The following PACRG variants were observed in gnomAD, a reference collection of about 807,000 sequenced individuals.
PACRG encodes the protein parkin coregulated.
In PACRG, 29 loss-of-function variants were observed where a neutral mutation model predicts 29.7. The ratio of observed to expected loss-of-function variants is 0.98; its 90% CI spans 0.73 to 1.33. The LOEUF is 1.33. PACRG is among the 40% of genes most tolerant of loss of function. The pLI, the probability that PACRG is intolerant of heterozygous loss-of-function variation, is 0.00. For missense variants in PACRG, 279 were observed against 316.2 expected, an observed-to-expected ratio of 0.88 and a Z score of 0.89; for synonymous variants, 116 against 118.7, an observed-to-expected ratio of 0.98 and a Z score of 0.15.
intron 2 of PACRG, among the ~76,000 whole-genome samples, chr6:162,975,269 T>A (rs1005059763): frequency 3.9e-5 from 6 of 152,204 alleles, no homozygotes; most frequent in Non-Finnish European, 5.9e-5. Flanking sequence ...AGCTTAATTA[T>A]CATAGACAGT....
chr6:163,221,788 T>C (rs1444227153), intron 4 of PACRG, among the ~76,000 whole-genome samples: 1 of 152,172 alleles, frequency 6.6e-6, no homozygotes. Flanking sequence ...TCGCTCACTG[T>C]TGACAGCAAG....
At chr6:162,773,525 T>TTTTTTTTTTTTTTTTTG (rs1783395245) in intron 1 of PACRG, among the ~76,000 whole-genome samples, 1 of 99,524 alleles carries the variant, frequency 1.0e-5, no homozygotes, top group African/African-American at 4.3e-5. Context: ...TTTTTTTTTT[T>TTTTTTTTTTTTTTTTTG]GAGACGGAGT....
chr6:163,175,963 G>A (rs1779337800), intron 4 of PACRG, among the ~76,000 whole-genome samples: 1 of 152,134 alleles, frequency 6.6e-6, no homozygotes, highest in Admixed American at 6.5e-5. Context: ...CAGTTCTCTG[G>A]TGCATAGCCC....
intron 2 of PACRG, among the ~76,000 whole-genome samples, chr6:162,835,115 T>C (rs529638581): frequency 1.3e-5 from 2 of 152,234 alleles, no homozygotes; most frequent in South Asian, 4.1e-4. Flanking sequence ...TGGAATAAAT[T>C]ATACAAGCTA....
chr6:163,176,359 G>A (rs1027015754), intron 4 of PACRG, among the ~76,000 whole-genome samples: 9 of 152,150 alleles, frequency 5.9e-5, no homozygotes, highest in Non-Finnish European at 7.3e-5. Context: ...TTTCATAAGT[G>A]ACACTTTTCC....
chr6:163,112,086 A>G, intron 4 of PACRG: 1 of 943,952 alleles, frequency 1.1e-6, no homozygotes, highest in Non-Finnish European at 1.3e-6. Context: ...GCATTGAGGG[A>G]AAGGATTCTG....
chr6:163,256,957 C>T (rs1783135620), intron 4 of PACRG, among the ~76,000 whole-genome samples: 1 of 152,120 alleles, frequency 6.6e-6, no homozygotes, highest in African/African-American at 2.4e-5. Context: ...CAGTTGCAAG[C>T]GACCTTTGGT....
At chr6:162,788,463 A>T (rs1606677) in intron 1 of PACRG, among the ~76,000 whole-genome samples, 40,928 of 152,136 alleles carry the variant, frequency 0.27, 6,200 homozygotes, top group East Asian at 0.48. Flanking sequence ...ATGAATGAAG[A>T]TGTAAACATC....
rs80252494 is a variant in PACRG, at chr6:162,880,836, G to A, written c.291+66555G>A. On this transcript the variant is annotated intron_variant, in intron 2 of 4. Coordinates refer to ENST00000366888, the MANE Select transcript of PACRG (RefSeq NM_001080379.2). Reference sequence around the variant, plus strand: ...CGCTTTCATCTGACTGTGGCTGCACGTGGGCAAGGCTACATTGCACACCAG... The same window carrying A: ...CGCTTTCATCTGACTGTGGCTGCACATGGGCAAGGCTACATTGCACACCAG... Among the ~76,000 whole-genome samples, 646 of 152,290 alleles carry A rather than the reference G, an allele frequency of 4.2e-3. 8 individuals are homozygous for A. Among genetic ancestry groups the A allele is most frequent in the Non-Finnish European group, 5.6e-3 (384 of 68,028 alleles).
Position 162,947,324 on chromosome 6 carries a change from A to ATATATAT in PACRG, c.292-114826_292-114825insTATATAT, listed in dbSNP as rs1562765417. Among the ~76,000 whole-genome samples the ATATATAT allele has an allele frequency of 1.8e-3, 150 of 84,724 alleles. 1 individual carries two copies. Among genetic ancestry groups the ATATATAT allele is most frequent in the African/African-American group, 5.8e-3 (143 of 24,480 alleles). The allele number at this position is 84,724 out of a possible 152,430, so 55.6% of individuals were successfully genotyped here. A position where few individuals can be genotyped will look rare whatever the true frequency, so the allele number is the denominator to read the frequency against. ...TATAATATATATAATCATATATAAT[A>ATATATAT]CATATAATCATATATATAATGATTA... is the stretch of plus-strand genomic sequence containing the variant. On this transcript the variant is annotated intron_variant, in intron 2 of 4. Transcript: ENST00000366888.
chr6:163,226,536 G>C (rs892720874), intron 4 of PACRG, among the ~76,000 whole-genome samples: 1 of 152,198 alleles, frequency 6.6e-6, no homozygotes, highest in African/African-American at 2.4e-5. Context: ...AGGAAGAAAC[G>C]GCTGGGCAGG....
chr6:163,055,880 TC>T lies in PACRG; in HGVS notation c.292-6269del, dbSNP rs1322371262. ...TCCCCCAGCTCTTAAGCAGCCACTT[TC>T]TGTCTCTTGGATTTGTCTATTCCGA... On this transcript the variant is annotated intron_variant, in intron 2 of 4. Coordinates refer to ENST00000366888, the MANE Select transcript of PACRG (RefSeq NM_001080379.2). This position sits in a 1 kb window ranked among gnomAD's most constrained non-coding sequence, Gnocchi z 4.0. Among the ~76,000 whole-genome samples, 2 of 152,170 alleles carry T rather than the reference TC, an allele frequency of 1.3e-5. No homozygotes were observed. The highest frequency in any genetic ancestry group is 2.9e-5 in the Non-Finnish European group (2 of 68,032).
chr6:162,849,299 T>G (rs1223490914), intron 2 of PACRG, among the ~76,000 whole-genome samples: 1 of 152,088 alleles, frequency 6.6e-6, no homozygotes, highest in East Asian at 1.9e-4. Flanking sequence ...CCGTGTGCAA[T>G]AAGACGAGCA....
chr6:162,906,573 C>G (rs985393011), intron 2 of PACRG, among the ~76,000 whole-genome samples: 1 of 152,326 alleles, frequency 6.6e-6, no homozygotes, highest in East Asian at 1.9e-4. Context: ...AGGCATAGAT[C>G]AAGCACTGAT....
At chr6:162,841,302 C>G (rs1478291521) in intron 2 of PACRG, among the ~76,000 whole-genome samples, 1 of 147,572 alleles carries the variant, frequency 6.8e-6, no homozygotes, top group East Asian at 2.1e-4. Context: ...AGAGATTCAA[C>G]TTCTTCCTGG....
rs1031740287 is a variant in PACRG, at chr6:162,853,383, C to T, written c.291+39102C>T. Among the ~76,000 whole-genome samples the T allele has an allele frequency of 2.0e-5, 3 of 152,158 alleles. No homozygotes were observed. The highest frequency in any genetic ancestry group is 1.3e-4 in the Admixed American group (2 of 15,288). On this transcript the variant is annotated intron_variant, in intron 2 of 4. Coordinates refer to ENST00000366888, the MANE Select transcript of PACRG (RefSeq NM_001080379.2). The surrounding 1 kb of genome is among the most constrained non-coding windows in gnomAD (Gnocchi z 4.7). ...CTGGTTGAACCACTGACTTACCGTA[C>T]GTTTTAACTTTCCTGATATCCTACC...
chr6:162,928,716 CTA>C (rs1797629443), intron 2 of PACRG, among the ~76,000 whole-genome samples: 1 of 151,912 alleles, frequency 6.6e-6, no homozygotes, highest in Admixed American at 6.6e-5. Flanking sequence ...CCTTATTCTT[CTA>C]TCATATTGTA....
intron 4 of PACRG, among the ~76,000 whole-genome samples, chr6:163,197,512 C>A (rs1411476981): frequency 2.1e-5 from 3 of 142,984 alleles, no homozygotes; most frequent in Non-Finnish European, 4.5e-5. Context: ...GGCGCGATCT[C>A]GGCTCACTGC....
intron 4 of PACRG, among the ~76,000 whole-genome samples, chr6:163,151,432 C>T (rs1049077273): frequency 2.6e-5 from 4 of 152,200 alleles, no homozygotes; most frequent in Admixed American, 6.5e-5. Flanking sequence ...CCGTCCTCAT[C>T]GGCAGGCTTT....
Sources: allele counts gnomAD v4.1 joint callset (sites outside exome capture counted in the v4.1 genomes callset), GRCh38; gene constraint gnomAD v4.1.1; non-coding constraint Gnocchi (gnomAD v3.1); transcripts MANE v1.5; gene names NCBI Gene and HGNC (gene_info 2026-07-23, HGNC 2026-07-21).